Variants in OSBPL3 observed in about 807,000 individuals in gnomAD.
OSBPL3 encodes the protein oxysterol-binding protein-related protein 3.
OSBPL3 carries 65 observed loss-of-function variants against 120.1 expected under a neutral mutation model. The ratio of observed to expected loss-of-function variants is 0.54; its 90% confidence interval spans 0.44 to 0.67. The LOEUF (loss-of-function observed/expected upper bound fraction) is 0.67, where lower values mean the gene tolerates loss of function less well. Among genes scored for constraint, OSBPL3 ranks in the 30% least tolerant of loss-of-function variants. OSBPL3 has a pLI of 0.00. For missense variants in OSBPL3, 1,004 were observed against 1,082.1 expected (o/e 0.93, Z 1.01); for synonymous variants, 416 against 402.6 (o/e 1.03, Z -0.40).
chr7:24,859,913 T>A (rs1800292987), intron 10 of OSBPL3, among the ~76,000 whole-genome samples: 1 of 152,158 alleles, frequency 6.6e-6, no homozygotes, highest in South Asian at 2.1e-4. Flanking sequence ...ATTATTTCTA[T>A]TTTTTTAACC....
intron 1 of OSBPL3, among the ~76,000 whole-genome samples, chr7:24,978,953 C>A (rs1817882846): frequency 6.6e-6 from 1 of 152,200 alleles, no homozygotes; most frequent in Admixed American, 6.5e-5. Flanking sequence ...GGGCGGCGCG[C>A]CCCTGCTTAA....
chr7:24,979,568 G>T (rs779937680), intron 1 of OSBPL3, among the ~76,000 whole-genome samples: 4 of 152,186 alleles, frequency 2.6e-5, no homozygotes, highest in Non-Finnish European at 4.4e-5. Context: ...GGACAGCTCC[G>T]CGCGCCGCGT....
chr7:24,980,080 TGCGCA>T lies in OSBPL3; in HGVS notation c.-349_-345del. ...ACAGACTGCGGGGCCGGAGCCGCGC[TGCGCA>T]CCGGCCGCGAAGCGCTCAAGTCCCC... On this transcript the variant is annotated 5_prime_UTR_variant, in exon 1 of 23. Transcript: ENST00000313367. The T allele has an allele frequency of 1.0e-6, 1 of 983,398 alleles. No homozygotes were observed. The highest frequency in any genetic ancestry group is 1.2e-6 in the Non-Finnish European group (1 of 828,274). 60.9% of individuals were successfully genotyped at this position (983,398 alleles called of 1,614,324 possible).
intron 1 of OSBPL3, among the ~76,000 whole-genome samples, chr7:24,974,145 G>A (rs139753494): frequency 6.6e-6 from 1 of 152,268 alleles, no homozygotes; most frequent in African/African-American, 2.4e-5. Context: ...CATTTTAAAG[G>A]CTGAATAGCC....
Position 24,814,094 on chromosome 7 carries a change from A to G in OSBPL3, c.2172+965T>C, listed in dbSNP as rs113307862. 6.8e-3 allele frequency among the ~76,000 whole-genome samples: 1,035 copies of G among 152,250 alleles called. 14 individuals carry two copies. The highest frequency in any genetic ancestry group is 0.023 in the African/African-American group (943 of 41,550). The stretch of plus-strand genomic sequence containing the variant: ...ATGAGCAGGCTGACTTCAGACGGTG[A>G]TAAGAACTCTGAAGAAAATGGGACA... On this transcript the variant is annotated intron_variant, in intron 19 of 22. Coordinates refer to ENST00000313367, the MANE Select transcript of OSBPL3 (RefSeq NM_015550.4).
rs758781640 is a variant in OSBPL3 at position 24,873,758 on chromosome 7, T to C, written c.97-1689A>G. 3.3e-5 allele frequency among the ~76,000 whole-genome samples: 5 copies of C among 152,188 alleles called. No individual in the cohort carries two copies. Among genetic ancestry groups the C allele is most frequent in the Non-Finnish European group, 5.9e-5 (4 of 68,024 alleles). ...AAAAACACCAAAAAAAAAAACTTACTTGAATTTATTTTAGCTCAGAAAGCC... is the reference window on the plus strand; with the variant it reads ...AAAAACACCAAAAAAAAAAACTTACCTGAATTTATTTTAGCTCAGAAAGCC... On this transcript the variant is annotated intron_variant, in intron 2 of 22. Transcript: ENST00000313367. The surrounding 1 kb of genome is among the most constrained non-coding windows in gnomAD (Gnocchi z 4.1).
chr7:24,821,159 T>C lies in OSBPL3; in HGVS notation c.1885-921A>G, dbSNP rs1156908378. ...CAGAAAGTTCTCTGATGTAGCTGATTCTTAACAGAGGTGTCTTACATTGAG... is the reference window on the plus strand; with the variant it reads ...CAGAAAGTTCTCTGATGTAGCTGATCCTTAACAGAGGTGTCTTACATTGAG... On this transcript the variant is annotated intron_variant, in intron 16 of 22. Coordinates refer to ENST00000313367, the MANE Select transcript of OSBPL3 (RefSeq NM_015550.4). This position sits in a 1 kb window ranked among gnomAD's most constrained non-coding sequence, Gnocchi z 5.5. Among the ~76,000 whole-genome samples the C allele has an allele frequency of 6.6e-6, 1 of 152,200 alleles. No homozygotes were observed. The highest frequency in any genetic ancestry group is 1.5e-5 in the Non-Finnish European group (1 of 68,036).
At chr7:24,858,327 C>T (rs574826562) in intron 10 of OSBPL3, among the ~76,000 whole-genome samples, 42 of 152,112 alleles carry the variant, frequency 2.8e-4, no homozygotes, top group Non-Finnish European at 5.9e-4. Flanking sequence ...CGAGAAAGTA[C>T]AATAGATACT....
intron 2 of OSBPL3, among the ~76,000 whole-genome samples, chr7:24,876,923 T>C (rs1012215463): frequency 1.2e-4 from 18 of 152,210 alleles, no homozygotes; most frequent in African/African-American, 4.3e-4. Flanking sequence ...TTAAGCATCT[T>C]CTATATGTCA....
At chr7:24,921,219 C>T (rs1230264249) in intron 1 of OSBPL3, among the ~76,000 whole-genome samples, 15 of 151,586 alleles carry the variant, frequency 9.9e-5, no homozygotes, top group Admixed American at 9.2e-4. Flanking sequence ...AAAGTTACAA[C>T]AACTCTAATT....
In OSBPL3 at chr7:24,813,328, C is replaced by T. The variant is rs1794066932; in HGVS notation, c.2172+1731G>A. Among the ~76,000 whole-genome samples the T allele has an allele frequency of 6.6e-6, 1 of 152,194 alleles. No homozygotes were observed. The highest frequency in any genetic ancestry group is 2.1e-4 in the South Asian group (1 of 4,832). On this transcript the variant is annotated intron_variant, in intron 19 of 22. Transcript: ENST00000313367. The surrounding 1 kb of genome is among the most constrained non-coding windows in gnomAD (Gnocchi z 4.5). The stretch of plus-strand genomic sequence containing the variant: ...TCCACTTGCAGCATCTCTTTCAACA[C>T]CAGACATGCCCAGTGTTCATCTCTC...
chr7:24,961,488 T>G (rs573632378), intron 1 of OSBPL3, among the ~76,000 whole-genome samples: 1 of 152,056 alleles, frequency 6.6e-6, no homozygotes, highest in South Asian at 2.1e-4. Flanking sequence ...CTTTGAGAGG[T>G]GATTTAAGAA....
chr7:24,809,937 G>A lies in OSBPL3; in HGVS notation c.2187C>T (p.Ser729=), dbSNP rs763857228. The A allele has an allele frequency of 1.2e-6, 2 of 1,614,106 alleles. No homozygotes were observed. The highest frequency in any genetic ancestry group is 1.7e-6 in the Non-Finnish European group (2 of 1,179,978). The part of the protein sequence containing the change: ...KVNFIKAKYW[S]TNAHEIEGTV... ...TGCCTTCAATCTCATGGGCATTAGT[G>A]CTCCAGTATTTTGCCTAGGATTCAA... Residue 729 remains serine (S), a synonymous_variant, in exon 20 of 23, where the codon AGC becomes AGT. Coordinates refer to ENST00000313367, the MANE Select transcript of OSBPL3 (RefSeq NM_015550.4).
chr7:24,957,147 A>T (rs1274348566), intron 1 of OSBPL3, among the ~76,000 whole-genome samples: 1 of 152,092 alleles, frequency 6.6e-6, no homozygotes, highest in Non-Finnish European at 1.5e-5. Context: ...AGAGGAATTT[A>T]ATACTCTAAA....
chr7:24,857,947 GT>G (rs1427513611), intron 10 of OSBPL3, among the ~76,000 whole-genome samples: 2 of 152,168 alleles, frequency 1.3e-5, no homozygotes, highest in Non-Finnish European at 2.9e-5. Context: ...TGGGTAAAGT[GT>G]TCCATAAAAC....
intron 2 of OSBPL3, among the ~76,000 whole-genome samples, chr7:24,886,890 G>A (rs1008107421): frequency 5.9e-5 from 9 of 152,002 alleles, no homozygotes; most frequent in Non-Finnish European, 1.0e-4. Context: ...TTCATCCCCA[G>A]GACTGCAAGG....
At position 24,980,117 on chromosome 7, in the gene OSBPL3, G is replaced by C. The variant is rs1212920756; in HGVS notation, c.-381C>G. On this transcript the variant is annotated 5_prime_UTR_variant, in exon 1 of 23. Transcript: ENST00000313367. The stretch of plus-strand genomic sequence containing the variant: ...GCGAAGCGCTCAAGTCCCCTCTCCC[G>C]GGCCGGCTGGCGGGCGCCACCAGCA... 2.2e-6 allele frequency: 2 copies of C among 919,196 alleles called. No individual in the cohort carries two copies. The highest frequency in any genetic ancestry group is 2.6e-6 in the Non-Finnish European group (2 of 769,934). The allele number at this position is 919,196 out of a possible 1,614,324, so 56.9% of individuals were successfully genotyped here.
chr7:24,931,828 T>C (rs1264839742), intron 1 of OSBPL3, among the ~76,000 whole-genome samples: 1 of 152,092 alleles, frequency 6.6e-6, no homozygotes, highest in Non-Finnish European at 1.5e-5. Flanking sequence ...CATTTTCTGA[T>C]GAACAACAAA....
chr7:24,857,727 G>A (rs1002722520), intron 10 of OSBPL3, among the ~76,000 whole-genome samples: 2 of 152,154 alleles, frequency 1.3e-5, no homozygotes, highest in African/African-American at 4.8e-5. Context: ...GTTAATAGCT[G>A]TTGGGAATAG....
Sources: gnomAD v4.1 joint callset for allele counts (sites outside exome capture counted in the v4.1 genomes callset) on GRCh38, gnomAD v4.1.1 for gene constraint, Gnocchi (gnomAD v3.1) non-coding constraint, MANE v1.5 for transcripts, NCBI Gene and HGNC (gene_info 2026-07-23, HGNC 2026-07-21) for gene names.